Variants in FAT1 observed in about 807,000 individuals in gnomAD.
FAT1 encodes the protein FAT atypical cadherin 1.
In FAT1, 171 loss-of-function variants were observed where a neutral mutation model predicts 329.8. That is an observed-to-expected ratio of 0.52 (90% CI 0.46 to 0.59). The LOEUF is 0.59. FAT1 is among the 20% of genes least tolerant of loss of function. The pLI, the probability that FAT1 is intolerant of heterozygous loss-of-function variation, is 0.00. For synonymous variants in FAT1, 2,233 were observed against 2,228.6 expected (o/e 1.00, Z -0.06); for missense variants, 5,672 against 5,774.4 (o/e 0.98, Z 0.57).
chr4:186,616,844 C>A (rs1428193771), intron 11 of FAT1, among the ~76,000 whole-genome samples, 161 bp downstream of exon 11: 2 of 152,170 alleles, frequency 1.3e-5, no homozygotes, highest in Non-Finnish European at 2.9e-5. Context: ...GCAAATAGTT[C>A]TGAAGCTTTT....
chr4:186,596,020 C>T lies in FAT1; in HGVS notation c.13001-194G>A, dbSNP rs1487582782. The stretch of plus-strand genomic sequence containing the variant: ...AAACCCCTGCACAGAAAGACCTCCA[C>T]ATCATCTTAGAGATTATTCATAGAG... On this transcript the variant is annotated intron_variant, in intron 25 of 26. Transcript: ENST00000441802. The surrounding 1 kb of genome is among the most constrained non-coding windows in gnomAD (Gnocchi z 4.7). Among the ~76,000 whole-genome samples, 1 of 152,188 alleles carries T rather than the reference C, an allele frequency of 6.6e-6. No individual in the cohort carries two copies. Among genetic ancestry groups the T allele is most frequent in the Non-Finnish European group, 1.5e-5 (1 of 68,050 alleles).
chr4:186,622,675 T>C (rs959283168), intron 9 of FAT1, among the ~76,000 whole-genome samples: 8 of 152,216 alleles, frequency 5.3e-5, no homozygotes, highest in Non-Finnish European at 1.0e-4. Context: ...TAATTTTGTA[T>C]CATCGACTGA....
chr4:186,721,125 T>C (rs1745452915), intron 1 of FAT1, among the ~76,000 whole-genome samples: 1 of 152,266 alleles, frequency 6.6e-6, no homozygotes, highest in African/African-American at 2.4e-5. Context: ...TAATATTTCC[T>C]AAGCAGTGTA....
intron 6 of FAT1, among the ~76,000 whole-genome samples, chr4:186,634,204 A>G (rs1740720297): frequency 6.6e-6 from 1 of 152,226 alleles, no homozygotes; most frequent in African/African-American, 2.4e-5. Flanking sequence ...ACTTTCTGAT[A>G]CTTTGAGCAA....
At chr4:186,682,526 CAAAAAAA>C (rs10561120) in intron 2 of FAT1, among the ~76,000 whole-genome samples, 70,458 of 120,516 alleles carry the variant, frequency 0.58, 20,316 homozygotes, top group Middle Eastern at 0.68. Flanking sequence ...GACTCTGTCT[CAAAAAAA>C]AAAAAAAAAA....
At chr4:186,630,640 T>A (rs536031596) in intron 7 of FAT1, among the ~76,000 whole-genome samples, 11 of 152,162 alleles carry the variant, frequency 7.2e-5, no homozygotes, top group African/African-American at 2.4e-4. Flanking sequence ...TGACAGGCTC[T>A]CAGAACGTGA....
intron 1 of FAT1, among the ~76,000 whole-genome samples, chr4:186,719,036 A>T (rs951129406): frequency 1.3e-5 from 2 of 152,214 alleles, no homozygotes; most frequent in Non-Finnish European, 2.9e-5. Context: ...CAGGTATGAA[A>T]AATGAATGAC....
chr4:186,645,338 G>A (rs1741300907), intron 3 of FAT1, among the ~76,000 whole-genome samples: 1 of 123,106 alleles, frequency 8.1e-6, no homozygotes, highest in South Asian at 2.8e-4. Context: ...GTTAGCCAAG[G>A]TATTATGCTT....
chr4:186,682,791 T>A (rs1275256798), intron 2 of FAT1, among the ~76,000 whole-genome samples: 1 of 152,170 alleles, frequency 6.6e-6, no homozygotes, highest in Non-Finnish European at 1.5e-5. Context: ...CTTTTCTCCA[T>A]GTCATCAGTG....
intron 9 of FAT1, among the ~76,000 whole-genome samples, chr4:186,627,827 A>G (rs868264584): frequency 8.5e-5 from 13 of 152,332 alleles, no homozygotes; most frequent in South Asian, 2.1e-4. Flanking sequence ...TAATTTAACC[A>G]ATGTTACAGA....
rs1744622063 is a variant in FAT1 at position 186,706,665 on chromosome 4, T to C, written c.3163A>G (p.Thr1055Ala). ...EDAPVGSLVM[T>A]VSAHDEDARR... ...GCGTCCTCATCATGAGCCGACACCG[T>C]CATTACCAATGAACCAACAGGTGCA... The change falls in exon 2 of 27, where the codon ACG becomes GCG. Residue 1055 changes from threonine (T) to alanine (A), a missense_variant. This residue lies in a region of FAT1 where 3,966 missense variants were observed against 3,915.2 expected (regional missense o/e 1.01). Coordinates refer to ENST00000441802, the MANE Select transcript of FAT1 (RefSeq NM_005245.4). The C allele has an allele frequency of 6.2e-7, 1 of 1,613,956 alleles. No homozygotes were observed. Among genetic ancestry groups the C allele is most frequent in the South Asian group, 1.1e-5 (1 of 91,068 alleles).
chr4:186,705,113 T>C (rs983084974), intron 2 of FAT1, among the ~76,000 whole-genome samples: 1 of 150,488 alleles, frequency 6.6e-6, no homozygotes, highest in Admixed American at 6.6e-5. Flanking sequence ...AGCATTTTTT[T>C]TTTTTTTTTT....
chr4:186,659,505 T>C (rs1332178768), intron 3 of FAT1, among the ~76,000 whole-genome samples: 1 of 152,230 alleles, frequency 6.6e-6, no homozygotes, highest in Non-Finnish European at 1.5e-5. Context: ...GATTCTTGAT[T>C]GTCTGACATT....
chr4:186,671,640 G>A (rs1179229283), intron 2 of FAT1, among the ~76,000 whole-genome samples: 3 of 151,874 alleles, frequency 2.0e-5, no homozygotes, highest in Non-Finnish European at 2.9e-5. Context: ...TGGAGGTTGC[G>A]GTGAGCCAAG....
rs756123882 is a variant in FAT1, at chr4:186,614,262, C to T, written c.9158G>A (p.Arg3053His). The T allele has an allele frequency of 2.7e-5, 43 of 1,602,802 alleles. No individual in the cohort carries two copies. Among genetic ancestry groups the T allele is most frequent in the African/African-American group, 1.2e-4 (9 of 74,300 alleles). ...CGTGTAAGTAATTTCAGCGTTAGAG[C>T]GGATGTCTGCGTCTGTAGCAGAGAT... ...MQISATDADI[R>H]SNAEITYTLL... Residue 3053 changes from arginine to histidine, a missense_variant, in exon 12 of 27, where the codon CGC becomes CAC. Arg to His is a conservative substitution (Grantham distance 29). Transcript: ENST00000441802.
rs2126687871 is a variant in FAT1, at chr4:186,707,358, G to C, written c.2470C>G (p.Gln824Glu). Residue 824 changes from glutamine to glutamate, a missense_variant, in exon 2 of 27, where the codon CAG (glutamine) becomes GAG (glutamate). Transcript: ENST00000441802. ...DANDNPPEFL[Q>E]ESYFVEVSED... ...CTCACTTCCACAAAATAGCTCTCCTGTAAAAACTCGGGTGGATTATCATTG... is the reference window on the plus strand; with the variant it reads ...CTCACTTCCACAAAATAGCTCTCCTCTAAAAACTCGGGTGGATTATCATTG... The C allele has an allele frequency of 6.2e-7, 1 of 1,613,964 alleles. No individual in the cohort carries two copies. The highest frequency in any genetic ancestry group is 8.5e-7 in the Non-Finnish European group (1 of 1,179,894).
chr4:186,672,261 T>C (rs1742764857), intron 2 of FAT1, among the ~76,000 whole-genome samples: 2 of 152,204 alleles, frequency 1.3e-5, no homozygotes, highest in South Asian at 4.1e-4. Context: ...TTTTATGTTT[T>C]TGATAATAAA....
intron 17 of FAT1, among the ~76,000 whole-genome samples, chr4:186,605,171 G>C (rs137899036): frequency 5.8e-4 from 85 of 145,560 alleles, no homozygotes; most frequent in African/African-American, 2.1e-3. Context: ...AGCTGAGATC[G>C]TGCCATTGCA....
chr4:186,633,786 T>C lies in FAT1; in HGVS notation c.4221A>G (p.Gly1407=). ...NYDSHFDVDK[G]TGTIIVAKPL... is the part of the protein sequence containing the mutation. Reference sequence around the variant, plus strand: ...GTTTGGCAACAATGATGGTTCCAGTTCCCTTGTCCACATCGAAGTGACTGT... The same window carrying C: ...GTTTGGCAACAATGATGGTTCCAGTCCCCTTGTCCACATCGAAGTGACTGT... Residue 1407 remains glycine (G), a synonymous_variant, in exon 7 of 27, where the codon GGA becomes GGG. Transcript: ENST00000441802. The C allele has an allele frequency of 5.0e-6, 8 of 1,613,946 alleles. No individual in the cohort carries two copies. Among genetic ancestry groups the C allele is most frequent in the Non-Finnish European group, 6.8e-6 (8 of 1,179,864 alleles).
Sources: gnomAD v4.1 joint callset for allele counts (sites outside exome capture counted in the v4.1 genomes callset) on GRCh38, gnomAD v4.1.1 for gene constraint, gnomAD v4.1.1 regional missense constraint, Gnocchi (gnomAD v3.1) non-coding constraint, MANE v1.5 for transcripts, NCBI Gene and HGNC (gene_info 2026-07-23, HGNC 2026-07-21) for gene names.